The following TICRR variants were observed in gnomAD, a reference collection of about 807,000 sequenced individuals.
TICRR encodes TOPBP1 interacting checkpoint and replication regulator.
A neutral mutation model predicts 178.1 loss-of-function variants in TICRR; 132 were observed. The observed-to-expected ratio is 0.74, with a 90% CI of 0.64 to 0.86. The LOEUF (loss-of-function observed/expected upper bound fraction) is 0.86, where lower values mean the gene tolerates loss of function less well. Among genes scored for constraint, TICRR ranks in the 40% least tolerant of loss-of-function variants. The pLI, the probability that TICRR is intolerant of heterozygous loss-of-function variation, is 0.00. For missense variants in TICRR, 2,587 were observed against 2,334.3 expected (o/e 1.11, Z -2.23); for synonymous variants, 991 against 900.7 (o/e 1.10, Z -1.79).
At position 89,595,474 on chromosome 15, in the gene TICRR, A is replaced by T; in HGVS notation, c.1763A>T (p.Asn588Ile). Reference protein sequence around the residue: ...SLKMLNVARLNVKAQKLHPDG... With the variant: ...SLKMLNVARLIVKAQKLHPDG... Reference sequence around the variant, plus strand: ...AAGATGTTGAATGTCGCAAGGCTGAATGTGAAGGCCCAGAAGTTACATCCA... The same window carrying T: ...AAGATGTTGAATGTCGCAAGGCTGATTGTGAAGGCCCAGAAGTTACATCCA... Residue 588 changes from asparagine (N) to isoleucine (I), a missense_variant, in exon 7 of 22, where the codon AAT becomes ATT. Physicochemically the swap from Asn to Ile is moderately radical, Grantham distance 149. Transcript: ENST00000268138. 6.2e-7 allele frequency: 1 copy of T among 1,614,176 alleles called. No homozygotes were observed. Among genetic ancestry groups the T allele is most frequent in the Non-Finnish European group, 8.5e-7 (1 of 1,180,040 alleles).
chr15:89,587,433 G>T (rs1962840798), intron 4 of TICRR, among the ~76,000 whole-genome samples: 1 of 152,142 alleles, frequency 6.6e-6, no homozygotes, highest in South Asian at 2.1e-4. Context: ...TCACCATGGG[G>T]GTGGGCGTAG....
At chr15:89,576,304 G>C (rs921108392) in intron 1 of TICRR, 64 bp downstream of exon 1, 2 of 1,442,002 alleles carry the variant, frequency 1.4e-6, no homozygotes, top group Non-Finnish European at 1.8e-6. Context: ...CCAGAACTTG[G>C]CAGCGTCCTT....
At position 89,585,851 on chromosome 15, in the gene TICRR, C is replaced by G; in HGVS notation, c.1320C>G (p.Asp440Glu). ...QRHVLQTAVA[D>E]SPRDTASLFS... ...ATGTTCTCCAAACAGCTGTGGCTGA[C>G]AGCCCCCGGGACACAGCTTCCCTTT... The change falls in exon 4 of 22, where the codon GAC becomes GAG. Residue 440 changes from aspartate to glutamate, a missense_variant. Physicochemically the swap from Asp to Glu is conservative, Grantham distance 45. Coordinates refer to ENST00000268138, the MANE Select transcript of TICRR (RefSeq NM_152259.4). 1 of 1,614,148 alleles carries G rather than the reference C, an allele frequency of 6.2e-7. No homozygotes were observed. Among genetic ancestry groups the G allele is most frequent in the African/African-American group, 1.3e-5 (1 of 75,024 alleles).
Position 89,584,423 on chromosome 15 carries a change from G to C in TICRR, c.1072G>C (p.Gly358Arg). 6.2e-7 allele frequency: 1 copy of C among 1,614,072 alleles called. No individual in the cohort carries two copies. Residue 358 changes from glycine to arginine, a missense_variant, in exon 3 of 22, where the codon GGC becomes CGC. Gly to Arg is a moderately radical substitution (Grantham distance 125, BLOSUM62 -2). Coordinates refer to ENST00000268138, the MANE Select transcript of TICRR (RefSeq NM_152259.4). Reference sequence around the variant, plus strand: ...GTCTCTCCCAACGAGCAGCACTTTGGGCACTGACAGCTGGATGCTAGGAAG... The same window carrying C: ...GTCTCTCCCAACGAGCAGCACTTTGCGCACTGACAGCTGGATGCTAGGAAG... ...QWSLPTSSTL[G>R]TDSWMLGSPE...
At position 89,618,211 on chromosome 15, in the gene TICRR, G is replaced by GT; in HGVS notation, c.3019+2dup. On this transcript the variant is annotated splice_donor_variant, in intron 17 of 21. Coordinates refer to ENST00000268138, the MANE Select transcript of TICRR (RefSeq NM_152259.4). LOFTEE classifies it high-confidence loss of function. ...GAAGAGTCCCCTGAAAAAGGAGATG[G>GT]TGAGTGTTATCTCTTTTTGTTTTTA... The GT allele has an allele frequency of 6.2e-7, 1 of 1,613,890 alleles. No homozygotes were observed. The highest frequency in any genetic ancestry group is 2.2e-5 in the East Asian group (1 of 44,880).
intron 16 of TICRR, 124 bp from the exon 17 acceptor site, chr15:89,618,028 C>T (rs1312439927): frequency 7.2e-6 from 7 of 974,754 alleles, no homozygotes; most frequent in Non-Finnish European, 1.1e-5. Flanking sequence ...GAGCCCTTTA[C>T]CAGCACTGGT....
chr15:89,587,855 CAG>C (rs1343415333), intron 4 of TICRR, among the ~76,000 whole-genome samples: 6 of 152,072 alleles, frequency 3.9e-5, no homozygotes, highest in African/African-American at 1.4e-4. Flanking sequence ...GTAATGAAAA[CAG>C]TGGCTAGAGA....
chr15:89,599,480 G>A lies in TICRR; in HGVS notation c.2052+5G>A, dbSNP rs774591161. 1 of 1,610,956 alleles carries A rather than the reference G, an allele frequency of 6.2e-7. No homozygotes were observed. The highest frequency in any genetic ancestry group is 8.5e-7 in the Non-Finnish European group (1 of 1,179,202). Reference sequence around the variant, plus strand: ...AAAGGCACCAAGGAATTAGAAGTAAGAGGGTCCAGATATTGTTGTTTGTCA... The same window carrying A: ...AAAGGCACCAAGGAATTAGAAGTAAAAGGGTCCAGATATTGTTGTTTGTCA... On this transcript the variant is annotated splice_donor_5th_base_variant and intron_variant, in intron 8 of 21. Transcript: ENST00000268138.
intron 8 of TICRR, 49 bp from the exon 9 acceptor site, chr15:89,600,536 A>G (rs1319431762): frequency 2.4e-6 from 2 of 828,362 alleles, no homozygotes; most frequent in East Asian, 2.7e-5. Flanking sequence ...GAAATTAGAA[A>G]TAATGACAAG....
intron 8 of TICRR, among the ~76,000 whole-genome samples, chr15:89,599,916 G>C (rs952467004): frequency 2.0e-5 from 3 of 152,136 alleles, no homozygotes; most frequent in African/African-American, 7.2e-5. Flanking sequence ...GACCAGCCTG[G>C]CCAACATGGT....
Position 89,626,995 on chromosome 15 carries a change from CTCCTT to C in TICRR, c.5645_5649del (p.Pro1882GlnfsTer68). 1 of 1,614,160 alleles carries C rather than the reference CTCCTT, an allele frequency of 6.2e-7. No individual in the cohort carries two copies. Among genetic ancestry groups the C allele is most frequent in the Non-Finnish European group, 8.5e-7 (1 of 1,180,006 alleles). ...GTTCTTCCCTCCACTGTAGAAGACT[CTCCTT>C]TCAGTCGCGCTTTCTCCAGGAGGCG... On this transcript the variant is annotated frameshift_variant, in exon 22 of 22. Transcript: ENST00000268138. LOFTEE classifies it low-confidence loss of function (END_TRUNC).
intron 7 of TICRR, among the ~76,000 whole-genome samples, chr15:89,596,852 G>T (rs374700494): frequency 5.9e-5 from 9 of 152,048 alleles, no homozygotes; most frequent in African/African-American, 2.2e-4. Flanking sequence ...TCTAAAGTCT[G>T]TACATTTTCT....
At chr15:89,612,904 AC>A in intron 15 of TICRR, among the ~76,000 whole-genome samples, 2 of 152,358 alleles carry the variant, frequency 1.3e-5, no homozygotes, top group South Asian at 4.1e-4. Context: ...TTACATCTAT[AC>A]ATTGTATGCC....
Position 89,625,936 on chromosome 15 carries a change from G to C in TICRR, c.5477G>C (p.Gly1826Ala), listed in dbSNP as rs1273354169. Residue 1826 changes from glycine (G) to alanine (A), a missense_variant and splice_region_variant, in exon 21 of 22, where the codon GGC becomes GCC. Physicochemically the swap from Gly to Ala is moderately conservative, Grantham distance 60 (BLOSUM62 0). Transcript: ENST00000268138. ...CTCTTACTATGTGGGATCTCTTTAG[G>C]CTCCACCCCACCTCCCAGCTGTGCC... ...STGDEEVFVS[G>A]STPPPSCAVR... The C allele has an allele frequency of 1.3e-6, 2 of 1,570,358 alleles. No homozygotes were observed. The highest frequency in any genetic ancestry group is 2.7e-5 in the African/African-American group (2 of 73,376).
intron 15 of TICRR, among the ~76,000 whole-genome samples, chr15:89,610,897 G>C (rs1963246017): frequency 1.3e-5 from 2 of 151,618 alleles, no homozygotes; most frequent in East Asian, 3.9e-4. Context: ...AGCATCTTAA[G>C]CTTAAAAGAA....
At position 89,625,734 on chromosome 15, in the gene TICRR, T is replaced by C. The variant is rs2141986498; in HGVS notation, c.5424T>C (p.Ser1808=). Residue 1808 remains serine, a synonymous_variant, in exon 20 of 22, where the codon AGT becomes AGC. Coordinates refer to ENST00000268138, the MANE Select transcript of TICRR (RefSeq NM_152259.4). ...EVSKSKEGSP[S]WSAWQLPSTG... is the part of the protein sequence containing the mutation. ...GTAAGAGTAAAGAGGGGTCTCCAAG[T>C]TGGAGTGCATGGCAGCTACCCTCCA... The C allele has an allele frequency of 6.2e-7, 1 of 1,613,142 alleles. No homozygotes were observed. Among genetic ancestry groups the C allele is most frequent in the Admixed American group, 1.7e-5 (1 of 60,010 alleles).
At position 89,626,828 on chromosome 15, in the gene TICRR, C is replaced by T. The variant is rs531271538; in HGVS notation, c.5603-128C>T. On this transcript the variant is annotated intron_variant, in intron 21 of 21. Transcript: ENST00000268138. ...GTAGGTACCATTTCTGTAGGATAAG[C>T]GAACCTCCAAGCAGTGCTGATTTTC... The T allele has an allele frequency of 4.1e-5, 42 of 1,013,164 alleles. 2 individuals are homozygous for T. The South Asian group carries it at 5.2e-4, about 13-fold the overall frequency. The allele number at this position is 1,013,164 out of a possible 1,614,324, so 62.8% of individuals were successfully genotyped here.
rs115860712 is a variant in TICRR at position 89,601,816 on chromosome 15, G to T, written c.2407G>T (p.Val803Phe). The T allele has an allele frequency of 6.8e-6, 11 of 1,614,014 alleles. No homozygotes were observed. In the African/African-American group the frequency reaches 1.5e-4, roughly 22 times the overall value. ...GFVIPQKLAG[V>F]LPTDFFSDDS... The stretch of plus-strand genomic sequence containing the variant: ...TGTGATTCCTCAGAAGCTGGCTGGT[G>T]TCCTTCCTACAGATTTTTTCAGTGA... Residue 803 changes from valine to phenylalanine, a missense_variant, in exon 12 of 22, where the codon GTC (valine) becomes TTC (phenylalanine). Transcript: ENST00000268138.
In TICRR at chr15:89,601,332, T is replaced by C. The variant is rs766017590; in HGVS notation, c.2188T>C (p.Cys730Arg). 4 of 1,614,158 alleles carry C rather than the reference T, an allele frequency of 2.5e-6. No individual in the cohort carries two copies. In the South Asian group the frequency reaches 4.4e-5, roughly 18 times the overall value. Residue 730 changes from cysteine (C) to arginine (R), a missense_variant, in exon 10 of 22, where the codon TGT (cysteine) becomes CGT (arginine). By Grantham distance (180) the Cys-to-Arg change is radical. Coordinates refer to ENST00000268138, the MANE Select transcript of TICRR (RefSeq NM_152259.4). ...QLQVFLRLEM[C>R]LQCPSINEST... ...TCAGGTATTTCTTCGTTTGGAGATGTGTCTGCAATGCCCTTCAATAAATGA... is the reference window on the plus strand; with the variant it reads ...TCAGGTATTTCTTCGTTTGGAGATGCGTCTGCAATGCCCTTCAATAAATGA...
Sources: gnomAD v4.1 joint callset for allele counts (sites outside exome capture counted in the v4.1 genomes callset) on GRCh38, gnomAD v4.1.1 for gene constraint, MANE v1.5 for transcripts, NCBI Gene and HGNC (gene_info 2026-07-23, HGNC 2026-07-21) for gene names.